AFAP1L2: variants seen among roughly 807,000 people sequenced by gnomAD.
AFAP1L2 encodes the protein actin filament associated protein 1 like 2.
AFAP1L2 carries 46 observed loss-of-function variants against 99.3 expected under a neutral mutation model. The ratio of observed to expected loss-of-function variants is 0.46; its 90% CI spans 0.37 to 0.59. The LOEUF (loss-of-function observed/expected upper bound fraction) is 0.59, where lower values mean the gene tolerates loss of function less well. Ranked by LOEUF, AFAP1L2 falls within the 20% of genes least tolerant of loss-of-function variation. The pLI is 0.00. For missense variants in AFAP1L2, 959 were observed against 1,034.9 expected, an observed-to-expected ratio of 0.93 and a Z score of 1.01; for synonymous variants, 397 against 419.1, an observed-to-expected ratio of 0.95 and a Z score of 0.64.
intron 1 of AFAP1L2, among the ~76,000 whole-genome samples, chr10:114,343,099 G>A (rs944490423): frequency 1.3e-5 from 2 of 152,216 alleles, no homozygotes; most frequent in Non-Finnish European, 2.9e-5. Context: ...TAAAAATCCA[G>A]GTATCTGGCA....
intron 4 of AFAP1L2, among the ~76,000 whole-genome samples, chr10:114,328,228 TGA>T (rs1205894509): frequency 7.2e-5 from 11 of 152,128 alleles, no homozygotes; most frequent in Admixed American, 7.2e-4. Flanking sequence ...TGCTCTCTAC[TGA>T]GTCTGTAGGG....
chr10:114,336,192 C>T (rs2047945711), intron 2 of AFAP1L2, among the ~76,000 whole-genome samples: 1 of 152,174 alleles, frequency 6.6e-6, no homozygotes, highest in African/African-American at 2.4e-5. Context: ...TAATCTAGGA[C>T]TCTCCAGGTT....
At chr10:114,281,879 T>C in the AFAP1L2 span, 1 of 341,784 alleles carries the variant, frequency 2.9e-6, no homozygotes, top group Non-Finnish European at 4.1e-6. Context: ...CAAAATCCAG[T>C]TGCCCAGTTC....
intron 1 of AFAP1L2, among the ~76,000 whole-genome samples, chr10:114,366,037 A>T (rs2053195497): frequency 6.6e-6 from 1 of 152,094 alleles, no homozygotes. Context: ...CACCCAGCCC[A>T]TCCTTAATTT....
At chr10:114,359,229 T>G (rs1590520902) in intron 1 of AFAP1L2, among the ~76,000 whole-genome samples, 1 of 152,224 alleles carries the variant, frequency 6.6e-6, no homozygotes, top group Admixed American at 6.5e-5. Flanking sequence ...GTGATGATTT[T>G]GTTAGTATAA....
intron 5 of AFAP1L2, among the ~76,000 whole-genome samples, chr10:114,321,256 C>A (rs1202205352): frequency 1.3e-5 from 2 of 152,134 alleles, no homozygotes; most frequent in Non-Finnish European, 2.9e-5. Flanking sequence ...CCCTCACCCC[C>A]ACTCCCAATC....
intron 1 of AFAP1L2, among the ~76,000 whole-genome samples, chr10:114,403,520 G>A (rs1242706655): frequency 6.6e-6 from 1 of 152,232 alleles, no homozygotes. Flanking sequence ...CAGCAAAAGA[G>A]AAGGCAAGAG....
downstream of AFAP1L2, among the ~76,000 whole-genome samples, chr10:114,291,855 A>T (rs1342071360): frequency 6.6e-6 from 1 of 152,164 alleles, no homozygotes; most frequent in African/African-American, 2.4e-5. Context: ...CTCAGACTGA[A>T]ATGTGACCAA....
intron 2 of AFAP1L2, among the ~76,000 whole-genome samples, chr10:114,336,203 G>A (rs2047946993): frequency 6.6e-6 from 1 of 152,162 alleles, no homozygotes; most frequent in South Asian, 2.1e-4. Flanking sequence ...TCTCCAGGTT[G>A]GTAAGTAAGA....
rs759242938 is a variant in AFAP1L2, at chr10:114,299,258, A to G, written c.2113+2T>C. The G allele has an allele frequency of 7.4e-6, 12 of 1,614,048 alleles. No homozygotes were observed. Among genetic ancestry groups the G allele is most frequent in the African/African-American group, 1.3e-5 (1 of 74,910 alleles). ...GTCCCTCCCCACTGGGGGCCCCCTT[A>G]CCTGTGCATTTCAGTAGGGTTTCCT... On this transcript the variant is annotated splice_donor_variant, in intron 16 of 18. Coordinates refer to ENST00000304129, the MANE Select transcript of AFAP1L2 (RefSeq NM_001001936.3). LOFTEE classifies it high-confidence loss of function.
chr10:114,297,150 G>GTGC, intron 17 of AFAP1L2, 50 bp from the exon 18 acceptor site: 3 of 1,587,760 alleles, frequency 1.9e-6, no homozygotes, highest in Non-Finnish European at 8.6e-7. Context: ...AGGGAGATGT[G>GTGC]ACCCACCCAC....
chr10:114,300,385 C>G, intron 14 of AFAP1L2, 23 bp from the exon 15 acceptor site: 1 of 1,614,018 alleles, frequency 6.2e-7, no homozygotes, highest in Non-Finnish European at 8.5e-7. Flanking sequence ...GCAGACCTGA[C>G]TCAGCTGGCT....
chr10:114,351,510 C>T (rs7916630), intron 1 of AFAP1L2, among the ~76,000 whole-genome samples: 135,968 of 152,238 alleles, frequency 0.89, 62,115 homozygotes, highest in East Asian at 1. Context: ...CCCCTGCCTC[C>T]AAGCAGGTCA....
At chr10:114,368,568 C>T (rs566929864) in intron 1 of AFAP1L2, among the ~76,000 whole-genome samples, 1 of 152,018 alleles carries the variant, frequency 6.6e-6, no homozygotes, top group Non-Finnish European at 1.5e-5. Context: ...ACAGGTGCCA[C>T]CAAACCTGGC....
chr10:114,319,837 C>A (rs1214808629), intron 5 of AFAP1L2, among the ~76,000 whole-genome samples: 1 of 152,198 alleles, frequency 6.6e-6, no homozygotes, highest in Non-Finnish European at 1.5e-5. Flanking sequence ...CCAAGGACAT[C>A]ATTTCCTAGA....
chr10:114,301,295 T>G, intron 13 of AFAP1L2, 59 bp downstream of exon 13: 141 of 1,381,246 alleles, frequency 1.0e-4, no homozygotes, highest in Middle Eastern at 1.8e-4. Context: ...ATCCAGGTGT[T>G]GAGGTTGGTA....
At chr10:114,322,706 C>T (rs2045572466) in intron 5 of AFAP1L2, among the ~76,000 whole-genome samples, 1 of 152,160 alleles carries the variant, frequency 6.6e-6, no homozygotes, top group Admixed American at 6.5e-5. Context: ...TGACTGGGCT[C>T]CTGTCCCTGA....
At position 114,295,702 on chromosome 10, in the gene AFAP1L2, C is replaced by A. The variant is rs1017645799; in HGVS notation, c.*340G>T. Reference sequence around the variant, plus strand: ...CCCTGCTTCCTTGATTCATCTTCCACCAAAGTCTAAACAGGAGGTTTTCAC... The same window carrying A: ...CCCTGCTTCCTTGATTCATCTTCCAACAAAGTCTAAACAGGAGGTTTTCAC... On this transcript the variant is annotated 3_prime_UTR_variant, in exon 19 of 19. Transcript: ENST00000304129. 5.7e-5 allele frequency: 60 copies of A among 1,052,724 alleles called. No homozygotes were observed. The highest frequency in any genetic ancestry group is 6.6e-5 in the Non-Finnish European group (58 of 873,068). The allele number at this position is 1,052,724 out of a possible 1,614,324, so 65.2% of individuals were successfully genotyped here. A position where few individuals can be genotyped will look rare whatever the true frequency, so the allele number is the denominator to read the frequency against.
chr10:114,336,816 C>T (rs772887162), intron 2 of AFAP1L2, among the ~76,000 whole-genome samples: 4 of 152,108 alleles, frequency 2.6e-5, no homozygotes, highest in Non-Finnish European at 4.4e-5. Flanking sequence ...TAGTCTATGC[C>T]TGGACCTCTC....
Sources: allele counts gnomAD v4.1 joint callset (sites outside exome capture counted in the v4.1 genomes callset), GRCh38; gene constraint gnomAD v4.1.1; transcripts MANE v1.5; gene names NCBI Gene and HGNC (gene_info 2026-07-23, HGNC 2026-07-21).